The following CLEC12B variants were observed in gnomAD, a reference collection of about 807,000 sequenced individuals.
CLEC12B encodes the protein C-type lectin domain family 12 member B, also known as macrophage antigen h.
A neutral mutation model predicts 36.1 loss-of-function variants in CLEC12B; 25 were observed. The ratio of observed to expected loss-of-function variants is 0.69; its 90% confidence interval spans 0.50 to 0.97. The LOEUF (loss-of-function observed/expected upper bound fraction) is 0.97, where lower values mean the gene tolerates loss of function less well. CLEC12B is among the 50% of genes least tolerant of loss of function. The pLI is 0.00. For missense variants in CLEC12B, 325 were observed against 318.4 expected (o/e 1.02, Z -0.16); for synonymous variants, 110 against 108.5 (o/e 1.01, Z -0.09).
At chr12:10,016,026 C>T (rs1036428432) in intron 5 of CLEC12B, 3 of 1,013,128 alleles carry the variant, frequency 3.0e-6, no homozygotes, top group Middle Eastern at 4.6e-4. Flanking sequence ...AGTTATATTC[C>T]CATTTTATAG....
In CLEC12B at chr12:10,010,950, G is replaced by A. The variant is rs527340830; in HGVS notation, c.91+100G>A. 9.3e-5 allele frequency: 64 copies of A among 684,984 alleles called. 1 individual carries two copies. The highest frequency in any genetic ancestry group is 7.8e-4 in the South Asian group (46 of 58,648). 42.4% of individuals were successfully genotyped at this position (684,984 alleles called of 1,614,324 possible). Reference sequence around the variant, plus strand: ...AATACTGGCGTTAAAGACATGTGCTGTGAAATCTCCAAAATGGGGACAAAT... The same window carrying A: ...AATACTGGCGTTAAAGACATGTGCTATGAAATCTCCAAAATGGGGACAAAT... On this transcript the variant is annotated intron_variant, in intron 1 of 5. Coordinates refer to ENST00000338896, the MANE Select transcript of CLEC12B (RefSeq NM_001129998.3).
chr12:10,017,967 T>C (rs1865528660), intron 5 of CLEC12B: 2 of 953,870 alleles, frequency 2.1e-6, no homozygotes, highest in Non-Finnish European at 2.5e-6. Flanking sequence ...ATTTTATTTT[T>C]ATGTTTTTCT....
intron 5 of CLEC12B, chr12:10,017,980 A>C (rs578190441): frequency 1.1e-6 from 1 of 944,626 alleles, no homozygotes; most frequent in Non-Finnish European, 1.3e-6. Context: ...GTTTTTCTTC[A>C]TAAGGTCCCA....
chr12:10,009,088 C>T (rs544366466), upstream of CLEC12B, among the ~76,000 whole-genome samples: 2 of 152,154 alleles, frequency 1.3e-5, no homozygotes, highest in Admixed American at 6.5e-5. Context: ...CAGTCTGATA[C>T]GACAGAAACG....
intron 5 of CLEC12B, chr12:10,016,943 C>A: frequency 2.1e-6 from 2 of 943,786 alleles, no homozygotes; most frequent in Non-Finnish European, 1.3e-6. Flanking sequence ...AAATCATTAT[C>A]CACCCCCCTC....
At chr12:10,010,567 A>G (rs943550402), upstream of CLEC12B, 3 of 467,292 alleles carry the variant, frequency 6.4e-6, no homozygotes, top group African/African-American at 4.0e-5. Flanking sequence ...CTCTAAGGAG[A>G]ATATTTGGCT....
At chr12:10,009,421 G>A (rs1865272210), upstream of CLEC12B, among the ~76,000 whole-genome samples, 1 of 152,022 alleles carries the variant, frequency 6.6e-6, no homozygotes, top group African/African-American at 2.4e-5. Context: ...TCATGTCAAT[G>A]GTCTCTGCCT....
upstream of CLEC12B, among the ~76,000 whole-genome samples, chr12:10,007,598 T>C (rs983235586): frequency 9.9e-5 from 15 of 152,166 alleles, no homozygotes; most frequent in Non-Finnish European, 1.2e-4. Context: ...AGAAAGAAAT[T>C]TGAGAGTCTG....
chr12:10,007,003 C>A (rs1312848441), upstream of CLEC12B, among the ~76,000 whole-genome samples: 1 of 151,248 alleles, frequency 6.6e-6, no homozygotes, highest in African/African-American at 2.4e-5. Context: ...TGCAGTGAGC[C>A]GAGATCGCGC....
chr12:10,018,490 T>C lies in CLEC12B; in HGVS notation c.*9T>C. Reference sequence around the variant, plus strand: ...CTGAGGATTTGGATTAGTATGCTTCTTCCAAATTCTCCAAGAAGTAAGAGA... The same window carrying C: ...CTGAGGATTTGGATTAGTATGCTTCCTCCAAATTCTCCAAGAAGTAAGAGA... On this transcript the variant is annotated 3_prime_UTR_variant, in exon 6 of 6. Coordinates refer to ENST00000338896, the MANE Select transcript of CLEC12B (RefSeq NM_001129998.3). 1 of 1,547,092 alleles carries C rather than the reference T, an allele frequency of 6.5e-7. No individual in the cohort carries two copies. Among genetic ancestry groups the C allele is most frequent in the Non-Finnish European group, 8.7e-7 (1 of 1,145,530 alleles).
upstream of CLEC12B, among the ~76,000 whole-genome samples, chr12:10,010,200 TCACACACACA>T (rs3053772): frequency 1.8e-3 from 261 of 145,908 alleles, no homozygotes; most frequent in East Asian, 7.9e-3. Context: ...TGTCTCTCTC[TCACACACACA>T]CACACACACA....
Position 10,015,608 on chromosome 12 carries a change from T to C in CLEC12B, c.565-4T>C, listed in dbSNP as rs770455435. 6.2e-7 allele frequency: 1 copy of C among 1,613,668 alleles called. No homozygotes were observed. Among genetic ancestry groups the C allele is most frequent in the East Asian group, 2.2e-5 (1 of 44,872 alleles). ...TAAAACTTTTTCTCTGTTTTCTCTCTTAGGATTTTCTTATGTCACAGCCAT... is the reference window on the plus strand; with the variant it reads ...TAAAACTTTTTCTCTGTTTTCTCTCCTAGGATTTTCTTATGTCACAGCCAT... On this transcript the variant is annotated splice_region_variant and splice_polypyrimidine_tract_variant and intron_variant, in intron 4 of 5. Transcript: ENST00000338896.
upstream of CLEC12B, among the ~76,000 whole-genome samples, chr12:10,009,574 AC>A (rs1358355103): frequency 7.9e-5 from 12 of 151,670 alleles, no homozygotes; most frequent in African/African-American, 2.9e-4. Flanking sequence ...AAAAAAAAAA[AC>A]AAAAAACATG....
At chr12:10,010,200 T>TCTCACACACACACA (rs370060573), upstream of CLEC12B, among the ~76,000 whole-genome samples, 4 of 145,912 alleles carry the variant, frequency 2.7e-5, no homozygotes, top group African/African-American at 7.7e-5. Context: ...TGTCTCTCTC[T>TCTCACACACACACA]CACACACACA....
At chr12:10,014,153 C>T (rs1028570723) in intron 2 of CLEC12B, among the ~76,000 whole-genome samples, 1 of 152,014 alleles carries the variant, frequency 6.6e-6, no homozygotes, top group Non-Finnish European at 1.5e-5. Context: ...TATCCATTGT[C>T]CCAAAGAATG....
chr12:10,017,469 C>G (rs1426044779), intron 5 of CLEC12B: 1 of 985,274 alleles, frequency 1.0e-6, no homozygotes, highest in Non-Finnish European at 1.2e-6. Flanking sequence ...TCTCTACTCA[C>G]TCTTAATCAA....
At position 10,014,747 on chromosome 12, in the gene CLEC12B, C is replaced by T. The variant is rs1287842733; in HGVS notation, c.409+6C>T. 2.0e-5 allele frequency: 32 copies of T among 1,602,788 alleles called. No individual in the cohort carries two copies. Among genetic ancestry groups the T allele is most frequent in the Non-Finnish European group, 2.7e-5 (32 of 1,170,118 alleles). On this transcript the variant is annotated splice_donor_region_variant and intron_variant, in intron 3 of 5. Coordinates refer to ENST00000338896, the MANE Select transcript of CLEC12B (RefSeq NM_001129998.3). The stretch of plus-strand genomic sequence containing the variant: ...GCTAATCATTCATACTTCAGGTAAT[C>T]AGACTTAGTCCTGCTGACCAGTCAG...
chr12:10,007,919 CAAT>C (rs1008517330), upstream of CLEC12B, among the ~76,000 whole-genome samples: 1 of 152,022 alleles, frequency 6.6e-6, no homozygotes, highest in Non-Finnish European at 1.5e-5. Context: ...GGATTGACAA[CAAT>C]GAGAAGTTGG....
chr12:10,010,847 A>C lies in CLEC12B; in HGVS notation c.88A>C (p.Arg30=). ...NNRDGNNLRK[R]GHPAPSPIWR... ...CCGAGATGGAAATAACCTAAGAAAAAGAGGTAGGAGTTCAGAGAAGACCAG... is the reference window on the plus strand; with the variant it reads ...CCGAGATGGAAATAACCTAAGAAAACGAGGTAGGAGTTCAGAGAAGACCAG... The change falls in exon 1 of 6, where the codon AGA becomes CGA. Residue 30 remains arginine, a synonymous_variant. Transcript: ENST00000338896. The C allele has an allele frequency of 6.2e-7, 1 of 1,603,730 alleles. No homozygotes were observed. The highest frequency in any genetic ancestry group is 8.5e-7 in the Non-Finnish European group (1 of 1,171,594).
Sources: gnomAD v4.1 joint callset for allele counts (sites outside exome capture counted in the v4.1 genomes callset) on GRCh38, gnomAD v4.1.1 for gene constraint, MANE v1.5 for transcripts, NCBI Gene and HGNC (gene_info 2026-07-23, HGNC 2026-07-21) for gene names.